The following SND1 variants were observed in gnomAD, a reference collection of about 807,000 sequenced individuals.
SND1 encodes staphylococcal nuclease domain-containing protein 1.
In SND1, 38 loss-of-function variants were observed where a neutral mutation model predicts 121.7. The observed-to-expected ratio is 0.31, with a 90% CI of 0.24 to 0.41. SND1 has a LOEUF of 0.41. SND1 is among the 10% of genes least tolerant of loss of function. The probability of loss-of-function intolerance (pLI) is 1.00; values close to 1 mark genes in which losing one functional copy is unlikely to be tolerated. For synonymous variants in SND1, 401 were observed against 447.4 expected (o/e 0.90, Z 1.31); for missense variants, 868 against 1,184.6 (o/e 0.73, Z 3.92).
chr7:128,078,770 A>G (rs1374022952), intron 17 of SND1, among the ~76,000 whole-genome samples: 3 of 152,218 alleles, frequency 2.0e-5, no homozygotes, highest in African/African-American at 4.8e-5. Context: ...CCTTCCCCCA[A>G]GCCAAAGGAG....
chr7:128,083,128 C>G (rs1793633721), intron 18 of SND1, among the ~76,000 whole-genome samples: 1 of 152,164 alleles, frequency 6.6e-6, no homozygotes, highest in Non-Finnish European at 1.5e-5. Flanking sequence ...GGGTGGCATC[C>G]TCTCACCCTG....
intron 12 of SND1, among the ~76,000 whole-genome samples, chr7:127,852,252 T>G (rs992404544): frequency 5.3e-5 from 8 of 151,898 alleles, no homozygotes; most frequent in East Asian, 1.9e-4. Flanking sequence ...CCCAGCACTT[T>G]GGGAGGCTGA....
At chr7:127,866,124 TCTC>T (rs1371154308) in intron 12 of SND1, among the ~76,000 whole-genome samples, 1 of 152,148 alleles carries the variant, frequency 6.6e-6, no homozygotes, top group Non-Finnish European at 1.5e-5. Flanking sequence ...ATTGGAGTCT[TCTC>T]CTGTCAGATG....
At chr7:128,081,189 A>G (rs1034344667) in intron 17 of SND1, among the ~76,000 whole-genome samples, 171 bp from the exon 18 acceptor site, 1 of 151,866 alleles carries the variant, frequency 6.6e-6, no homozygotes, top group Non-Finnish European at 1.5e-5. Flanking sequence ...GTAGAGATAG[A>G]GTTTCACCAT....
chr7:127,808,964 C>T (rs1004955408), intron 11 of SND1, among the ~76,000 whole-genome samples: 6 of 152,166 alleles, frequency 3.9e-5, no homozygotes, highest in Admixed American at 6.5e-5. Context: ...ATATCTGATT[C>T]GTGTGTAGCC....
At chr7:127,851,135 T>A (rs1208702697) in intron 12 of SND1, among the ~76,000 whole-genome samples, 2 of 152,260 alleles carry the variant, frequency 1.3e-5, no homozygotes, top group African/African-American at 2.4e-5. Context: ...TAGCTTTTCA[T>A]AATGGCACCC....
chr7:127,886,667 T>A (rs1799914517), intron 12 of SND1, among the ~76,000 whole-genome samples: 1 of 152,078 alleles, frequency 6.6e-6, no homozygotes, highest in South Asian at 2.1e-4. Flanking sequence ...TTTTTGAAAA[T>A]TTGTTTTTGC....
At chr7:128,033,628 T>C (rs1254432071) in intron 16 of SND1, among the ~76,000 whole-genome samples, 1 of 152,266 alleles carries the variant, frequency 6.6e-6, no homozygotes, top group African/African-American at 2.4e-5. Context: ...TGTAGGCAAG[T>C]TGGAGTCCCC....
chr7:127,858,286 C>A, intron 12 of SND1: 1 of 869,954 alleles, frequency 1.1e-6, no homozygotes, highest in Non-Finnish European at 1.9e-6. Context: ...CCGGGCACTG[C>A]GGGGAACTGG....
At chr7:127,738,763 A>C (rs768636829) in intron 10 of SND1, among the ~76,000 whole-genome samples, 1 of 152,236 alleles carries the variant, frequency 6.6e-6, no homozygotes, top group South Asian at 2.1e-4. Flanking sequence ...CTAGGAGACC[A>C]GGGGAGGATG....
At chr7:127,713,780 TG>T (rs1796336314) in intron 9 of SND1, among the ~76,000 whole-genome samples, 2 of 152,220 alleles carry the variant, frequency 1.3e-5, no homozygotes, top group African/African-American at 4.8e-5. Context: ...ATTGAGAGAC[TG>T]GTTCCCTTTG....
intron 1 of SND1, among the ~76,000 whole-genome samples, chr7:127,667,015 CACTTTATTT>C: frequency 5.3e-5 from 8 of 152,122 alleles, no homozygotes; most frequent in African/African-American, 1.7e-4. Context: ...CTGTGATTTG[CACTTTATTT>C]TGACATCTAA....
chr7:127,981,651 C>T (rs537722063), intron 15 of SND1, among the ~76,000 whole-genome samples: 30 of 152,262 alleles, frequency 2.0e-4, no homozygotes, highest in Non-Finnish European at 4.1e-4. Context: ...TCTAAAAATG[C>T]TTTTTTCCCA....
intron 1 of SND1, among the ~76,000 whole-genome samples, chr7:127,675,527 A>T (rs1157908629): frequency 6.6e-6 from 1 of 152,178 alleles, no homozygotes; most frequent in African/African-American, 2.4e-5. Context: ...TTGTTTTCTC[A>T]GATTGCAACA....
chr7:128,057,475 C>T (rs1472933375), intron 16 of SND1, among the ~76,000 whole-genome samples: 1 of 152,172 alleles, frequency 6.6e-6, no homozygotes, highest in Non-Finnish European at 1.5e-5. Flanking sequence ...ACAGTGGCAC[C>T]TGGTATCAGC....
rs550002516 is a variant in SND1 at position 128,066,404 on chromosome 7, G to C, written c.1780-8098G>C. Among the ~76,000 whole-genome samples, 5 of 152,340 alleles carry C rather than the reference G, an allele frequency of 3.3e-5. No individual in the cohort carries two copies. In the South Asian group the frequency reaches 1.0e-3, roughly 32 times the overall value. On this transcript the variant is annotated intron_variant, in intron 16 of 23. Transcript: ENST00000354725. ...TTTCTAGAAAAGCAATCCACTCTGTGGGCTGCGCTTGAAAGAGTTACCTGG... is the reference window on the plus strand; with the variant it reads ...TTTCTAGAAAAGCAATCCACTCTGTCGGCTGCGCTTGAAAGAGTTACCTGG...
At chr7:127,863,175 G>A (rs998742937) in intron 12 of SND1, among the ~76,000 whole-genome samples, 4 of 152,122 alleles carry the variant, frequency 2.6e-5, no homozygotes, top group African/African-American at 9.7e-5. Flanking sequence ...TGTGCGCCAG[G>A]CACTATCTAA....
intron 10 of SND1, among the ~76,000 whole-genome samples, chr7:127,755,090 C>G (rs979902670): frequency 3.3e-5 from 5 of 152,174 alleles, no homozygotes; most frequent in Admixed American, 2.0e-4. Context: ...CTTCCACCTA[C>G]CACCAATTTG....
At chr7:127,678,597 C>G (rs1795655673) in intron 1 of SND1, among the ~76,000 whole-genome samples, 1 of 152,296 alleles carries the variant, frequency 6.6e-6, no homozygotes, top group Middle Eastern at 3.4e-3. Context: ...TACGCACACA[C>G]ACACAAAACA....
Sources: allele counts gnomAD v4.1 joint callset (sites outside exome capture counted in the v4.1 genomes callset), GRCh38; gene constraint gnomAD v4.1.1; transcripts MANE v1.5; gene names NCBI Gene and HGNC (gene_info 2026-07-23, HGNC 2026-07-21).